PIP5K1B: variants seen among roughly 807,000 people sequenced by gnomAD.
The protein encoded by PIP5K1B is phosphatidylinositol 4-phosphate 5-kinase type-1 beta.
PIP5K1B carries 42 observed loss-of-function variants against 67.0 expected under a neutral mutation model. That is an observed-to-expected ratio of 0.63 (90% CI 0.49 to 0.81). The LOEUF (loss-of-function observed/expected upper bound fraction) is 0.81. Ranked by LOEUF, PIP5K1B falls within the 30% of genes least tolerant of loss-of-function variation. The pLI is 0.00. For missense variants in PIP5K1B, 459 were observed against 646.3 expected, an observed-to-expected ratio of 0.71 and a Z score of 3.14; for synonymous variants, 214 against 231.4, an observed-to-expected ratio of 0.92 and a Z score of 0.68.
chr9:68,940,862 T>C (rs1301322992), intron 14 of PIP5K1B, 72 bp downstream of exon 14: 1 of 1,371,646 alleles, frequency 7.3e-7, no homozygotes, highest in Non-Finnish European at 1.0e-6. Flanking sequence ...CCAGTATCTC[T>C]GAATGAGGAC....
At chr9:68,775,161 C>T (rs1830854719) in intron 2 of PIP5K1B, among the ~76,000 whole-genome samples, 1 of 152,188 alleles carries the variant, frequency 6.6e-6, no homozygotes, top group Admixed American at 6.5e-5. Flanking sequence ...TTCATGTCTT[C>T]CACCCACAAA....
At chr9:68,953,737 T>C (rs1828221906) in intron 14 of PIP5K1B, among the ~76,000 whole-genome samples, 1 of 149,572 alleles carries the variant, frequency 6.7e-6, no homozygotes, top group African/African-American at 2.5e-5. Context: ...GCCTGGGTGG[T>C]TGAGGCTGCA....
At chr9:68,722,552 C>CT (rs987515606) in intron 1 of PIP5K1B, among the ~76,000 whole-genome samples, 5 of 151,178 alleles carry the variant, frequency 3.3e-5, no homozygotes, top group South Asian at 2.1e-4. Context: ...GCTCCTGCTA[C>CT]TTTTTTTTTC....
At chr9:68,813,162 A>T (rs1292652562) in intron 2 of PIP5K1B, among the ~76,000 whole-genome samples, 2 of 152,256 alleles carry the variant, frequency 1.3e-5, no homozygotes, top group Non-Finnish European at 2.9e-5. Flanking sequence ...GGAGTTACTC[A>T]GACTGGGCCA....
intron 14 of PIP5K1B, among the ~76,000 whole-genome samples, chr9:68,943,461 A>G (rs1056265): frequency 0.27 from 40,630 of 152,032 alleles, 5,698 homozygotes; most frequent in East Asian, 0.41. Flanking sequence ...ACTGTGCCCA[A>G]CCCTCATTAT....
chr9:68,741,901 A>G (rs1275343592), intron 1 of PIP5K1B, among the ~76,000 whole-genome samples: 1 of 152,122 alleles, frequency 6.6e-6, no homozygotes, highest in East Asian at 1.9e-4. Context: ...GGTGGGGAGA[A>G]CCAGGGTAGG....
At chr9:68,730,829 G>A (rs1233130549) in intron 1 of PIP5K1B, among the ~76,000 whole-genome samples, 4 of 152,136 alleles carry the variant, frequency 2.6e-5, no homozygotes, top group African/African-American at 4.8e-5. Flanking sequence ...AATTCAAATC[G>A]ACTAGGTTGG....
intron 14 of PIP5K1B, chr9:68,964,119 CT>C (rs1258723656): frequency 1.3e-5 from 2 of 152,170 alleles, no homozygotes; most frequent in South Asian, 2.1e-4. Context: ...ACTTCCTTCT[CT>C]TTTGCCAGTA....
At chr9:68,812,512 A>T (rs923687421) in intron 2 of PIP5K1B, among the ~76,000 whole-genome samples, 1 of 152,250 alleles carries the variant, frequency 6.6e-6, no homozygotes, top group African/African-American at 2.4e-5. Flanking sequence ...ACCATAGGTT[A>T]GCTCTCTTTC....
intron 4 of PIP5K1B, among the ~76,000 whole-genome samples, chr9:68,836,754 A>G (rs953229188): frequency 1.3e-5 from 2 of 152,154 alleles, no homozygotes; most frequent in Non-Finnish European, 2.9e-5. Context: ...ACTTTATGAT[A>G]AAGCTCCTGA....
intron 2 of PIP5K1B, chr9:68,784,577 T>C (rs1453143488): frequency 6.0e-6 from 1 of 166,970 alleles, no homozygotes; most frequent in African/African-American, 2.4e-5. Flanking sequence ...GGCAATAAAA[T>C]TGGGGAAGGA....
chr9:68,916,567 G>A (rs144489184), intron 8 of PIP5K1B, among the ~76,000 whole-genome samples: 86 of 152,108 alleles, frequency 5.7e-4, no homozygotes, highest in African/African-American at 1.6e-3. Flanking sequence ...GAACTGAACG[G>A]CACCTTCGAA....
intron 2 of PIP5K1B, chr9:68,782,654 C>G (rs1161240362): frequency 1.2e-5 from 2 of 167,058 alleles, no homozygotes; most frequent in African/African-American, 4.8e-5. Flanking sequence ...GAAATTGCAT[C>G]GAGGGTAAGA....
intron 14 of PIP5K1B, among the ~76,000 whole-genome samples, chr9:68,964,537 CATAT>C (rs1238215550): frequency 1.3e-5 from 2 of 152,226 alleles, no homozygotes; most frequent in Non-Finnish European, 2.9e-5. Context: ...CCTGACTCCC[CATAT>C]AGCCCAGGAA....
Position 69,008,806 on chromosome 9 carries a change from T to C in PIP5K1B, c.*357T>C, listed in dbSNP as rs1831203487. 4.5e-6 allele frequency: 1 copy of C among 223,272 alleles called. No individual in the cohort carries two copies. Among genetic ancestry groups the C allele is most frequent in the Non-Finnish European group, 9.1e-6 (1 of 109,576 alleles). 13.8% of individuals were successfully genotyped at this position (223,272 alleles called of 1,614,324 possible). A position where few individuals can be genotyped will look rare whatever the true frequency, so the allele number is the denominator to read the frequency against. On this transcript the variant is annotated 3_prime_UTR_variant, in exon 16 of 16. Transcript: ENST00000265382. ...TGTGCATGCATCCAGTGATTATACA[T>C]AAGCAACATATGTAATCTGCTTATA...
chr9:68,867,375 T>G (rs1823411919), intron 5 of PIP5K1B, among the ~76,000 whole-genome samples: 1 of 152,246 alleles, frequency 6.6e-6, no homozygotes, highest in South Asian at 2.1e-4. Context: ...GGATTTACAG[T>G]AAACAGAAGA....
At chr9:68,824,759 A>G (rs993449235) in intron 4 of PIP5K1B, among the ~76,000 whole-genome samples, 2 of 152,216 alleles carry the variant, frequency 1.3e-5, no homozygotes, top group Non-Finnish European at 2.9e-5. Flanking sequence ...GTAAAAGCTC[A>G]GCTGAATTAT....
chr9:68,821,788 A>G (rs1417362461), intron 3 of PIP5K1B, among the ~76,000 whole-genome samples: 1 of 152,252 alleles, frequency 6.6e-6, no homozygotes, highest in Non-Finnish European at 1.5e-5. Flanking sequence ...TATTTGCAGG[A>G]GCAAAACTCT....
chr9:68,883,546 G>T (rs1239659394), intron 6 of PIP5K1B, among the ~76,000 whole-genome samples: 1 of 152,156 alleles, frequency 6.6e-6, no homozygotes, highest in African/African-American at 2.4e-5. Context: ...TGTAAAAGAT[G>T]TATCTAGAAG....
Sources: allele counts gnomAD v4.1 joint callset (sites outside exome capture counted in the v4.1 genomes callset), GRCh38; gene constraint gnomAD v4.1.1; transcripts MANE v1.5; gene names NCBI Gene and HGNC (gene_info 2026-07-23, HGNC 2026-07-21).